AREG: variants seen among roughly 807,000 people sequenced by gnomAD.
AREG encodes amphiregulin B.
AREG carries 16 observed loss-of-function variants against 28.0 expected under a neutral mutation model. That is an observed-to-expected ratio of 0.57 (90% CI 0.39 to 0.87). The LOEUF is 0.87. Ranked by LOEUF, AREG falls within the 40% of genes least tolerant of loss-of-function variation. The pLI is 0.00. For synonymous variants in AREG, 113 were observed against 113.5 expected, an observed-to-expected ratio of 1.00 and a Z score of 0.02; for missense variants, 287 against 309.1, an observed-to-expected ratio of 0.93 and a Z score of 0.53.
Position 74,446,798 on chromosome 4 carries a change from A to G in AREG, c.310+16A>G. On this transcript the variant is annotated intron_variant, in intron 2 of 5. Coordinates refer to ENST00000395748, the MANE Select transcript of AREG (RefSeq NM_001657.4). ...TCAGTCAGAGGTGAGTAGGGGATAAAGCAAAAATATGGCCTGTGAGATGTG... is the reference window on the plus strand; with the variant it reads ...TCAGTCAGAGGTGAGTAGGGGATAAGGCAAAAATATGGCCTGTGAGATGTG... The G allele has an allele frequency of 6.2e-7, 1 of 1,613,962 alleles. No individual in the cohort carries two copies. The highest frequency in any genetic ancestry group is 8.5e-7 in the Non-Finnish European group (1 of 1,179,858).
Position 74,450,413 on chromosome 4 carries a change from G to T in AREG, c.546G>T (p.Gly182=), listed in dbSNP as rs1352770674. The change falls in exon 4 of 6, where the codon GGG becomes GGT. Residue 182 remains glycine, a synonymous_variant. Transcript: ENST00000395748. The stretch of plus-strand genomic sequence containing the variant: ...AAGAATATTTCGGTGAACGGTGTGG[G>T]GAAAAGTCCATGAAAACTCACAGCA... The part of the protein sequence containing the change: ...CQQEYFGERC[G]EKSMKTHSMI... 17 of 1,613,758 alleles carry T rather than the reference G, an allele frequency of 1.1e-5. No homozygotes were observed. The highest frequency in any genetic ancestry group is 1.4e-5 in the Non-Finnish European group (17 of 1,179,848).
chr4:74,448,673 G>C (rs1414502047), intron 2 of AREG: 1 of 194,028 alleles, frequency 5.2e-6, no homozygotes, highest in Non-Finnish European at 1.1e-5. Flanking sequence ...CTGGGCTCCT[G>C]TTTTCAAATA....
chr4:74,454,667 G>A (rs1383925217), intron 5 of AREG, 92 bp from the exon 6 acceptor site: 2 of 578,938 alleles, frequency 3.5e-6, no homozygotes, highest in African/African-American at 3.8e-5. Flanking sequence ...TCCTGATTAT[G>A]CTTTAAAGTT....
intron 3 of AREG, among the ~76,000 whole-genome samples, chr4:74,450,059 A>G (rs1719358134): frequency 6.6e-6 from 1 of 152,080 alleles, no homozygotes; most frequent in Admixed American, 6.6e-5. Flanking sequence ...CTTACCTCCC[A>G]CAAGCAGCTA....
chr4:74,445,200 G>A lies in AREG; in HGVS notation c.-146G>A, dbSNP rs1476559187. Reference sequence around the variant, plus strand: ...CGGGACAGCCCGAGGCGCCGCGCCCGCCGCCCCGAGCTCCCCAAGCCTTCG... The same window carrying A: ...CGGGACAGCCCGAGGCGCCGCGCCCACCGCCCCGAGCTCCCCAAGCCTTCG... On this transcript the variant is annotated 5_prime_UTR_variant, in exon 1 of 6. Coordinates refer to ENST00000395748, the MANE Select transcript of AREG (RefSeq NM_001657.4). 4.4e-5 allele frequency: 65 copies of A among 1,484,142 alleles called. No individual in the cohort carries two copies. Among genetic ancestry groups the A allele is most frequent in the African/African-American group, 5.6e-5 (4 of 70,928 alleles). The allele number at this position is 1,484,142 out of a possible 1,614,324, so 91.9% of individuals were successfully genotyped here.
Position 74,450,513 on chromosome 4 carries a change from G to A in AREG, c.646G>A (p.Val216Ile). ...TATGTCTGCTGTGATCCTCACAGCT[G>A]TTGCTGTTATTACAGTCCAGTAAGT... ...AFMSAVILTAVAVITVQLRRQ... is the reference protein window; with the variant it reads ...AFMSAVILTAIAVITVQLRRQ... The change falls in exon 4 of 6, where the codon GTT becomes ATT. Residue 216 changes from valine (V) to isoleucine (I), a missense_variant. Coordinates refer to ENST00000395748, the MANE Select transcript of AREG (RefSeq NM_001657.4). 1 of 1,613,918 alleles carries A rather than the reference G, an allele frequency of 6.2e-7. No individual in the cohort carries two copies. The highest frequency in any genetic ancestry group is 8.5e-7 in the Non-Finnish European group (1 of 1,179,850).
chr4:74,452,193 T>A (rs1459278387), intron 4 of AREG, among the ~76,000 whole-genome samples: 2 of 152,188 alleles, frequency 1.3e-5, no homozygotes, highest in African/African-American at 4.8e-5. Flanking sequence ...TGTGCAAGTA[T>A]AGAGTTCTCC....
At position 74,445,186 on chromosome 4, in the gene AREG, G is replaced by A. The variant is rs939040044; in HGVS notation, c.-160G>A. On this transcript the variant is annotated 5_prime_UTR_variant, in exon 1 of 6. Transcript: ENST00000395748. ...CGCCCCAGAGGTCCCGGGACAGCCC[G>A]AGGCGCCGCGCCCGCCGCCCCGAGC... The A allele has an allele frequency of 2.0e-6, 3 of 1,467,652 alleles. No homozygotes were observed. Among genetic ancestry groups the A allele is most frequent in the African/African-American group, 2.8e-5 (2 of 70,646 alleles). The allele number at this position is 1,467,652 out of a possible 1,614,324, so 90.9% of individuals were successfully genotyped here. A position where few individuals can be genotyped will look rare whatever the true frequency, so the allele number is the denominator to read the frequency against.
chr4:74,447,752 C>T (rs1249341365), intron 2 of AREG, among the ~76,000 whole-genome samples: 4 of 152,136 alleles, frequency 2.6e-5, no homozygotes, highest in African/African-American at 7.2e-5. Context: ...GAAGGGACAT[C>T]AAGTGGTACC....
rs1578842930 is a variant in AREG at position 74,445,381 on chromosome 4, G to A, written c.36G>A (p.Val12=). 6.2e-7 allele frequency: 1 copy of A among 1,610,760 alleles called. No homozygotes were observed. ...CGCTGCTACCGCCGGCGCCGGTGGTGCTGTCGCTCTTGATACTCGGCTCAG... is the reference window on the plus strand; with the variant it reads ...CGCTGCTACCGCCGGCGCCGGTGGTACTGTCGCTCTTGATACTCGGCTCAG... The part of the protein sequence containing the change: ...RAPLLPPAPV[V]LSLLILGSGH... The change falls in exon 1 of 6, where the codon GTG becomes GTA. Residue 12 remains valine, a synonymous_variant. Transcript: ENST00000395748.
intron 2 of AREG, 189 bp from the exon 3 acceptor site, chr4:74,448,851 TACTTTCA>T: frequency 1.4e-6 from 1 of 725,444 alleles, no homozygotes; most frequent in Non-Finnish European, 2.1e-6. Context: ...GAGTGGACAC[TACTTTCA>T]GGTAGAAAAA....
intron 1 of AREG, 131 bp from the exon 2 acceptor site, chr4:74,446,403 C>A: frequency 6.6e-7 from 1 of 1,511,182 alleles, no homozygotes; most frequent in Non-Finnish European, 9.1e-7. Flanking sequence ...AGAAATGACT[C>A]AATCACAAAC....
chr4:74,450,694 G>T (rs947273516), intron 4 of AREG, among the ~76,000 whole-genome samples, 162 bp downstream of exon 4: 4 of 152,122 alleles, frequency 2.6e-5, no homozygotes, highest in Admixed American at 2.6e-4. Context: ...CACAGAAAGT[G>T]GTCAATGTTT....
Position 74,446,552 on chromosome 4 carries a change from T to G in AREG, c.80T>G (p.Leu27Trp), listed in dbSNP as rs1719290968. The change falls in exon 2 of 6, where the codon TTG becomes TGG. Residue 27 changes from leucine to tryptophan, a missense_variant. Coordinates refer to ENST00000395748, the MANE Select transcript of AREG (RefSeq NM_001657.4). ...CCTGCAGGCCATTATGCTGCTGGAT[T>G]GGACCTCAATGACACCTACTCTGGG... ...ILGSGHYAAG[L>W]DLNDTYSGKR... The G allele has an allele frequency of 1.9e-6, 3 of 1,613,982 alleles. No homozygotes were observed. Among genetic ancestry groups the G allele is most frequent in the Non-Finnish European group, 1.7e-6 (2 of 1,179,862 alleles).
Position 74,446,724 on chromosome 4 carries a change from A to G in AREG, c.252A>G (p.Ser84=). Residue 84 remains serine (S), a synonymous_variant, in exon 2 of 6, where the codon TCA becomes TCG. Coordinates refer to ENST00000395748, the MANE Select transcript of AREG (RefSeq NM_001657.4). The stretch of plus-strand genomic sequence containing the variant: ...CCTCGGGAGCCGACTATGACTACTC[A>G]GAAGAGTATGATAACGAACCACAAA... ...EPSSGADYDY[S]EEYDNEPQIP... 1.2e-6 allele frequency: 2 copies of G among 1,613,994 alleles called. No homozygotes were observed.
chr4:74,447,688 C>G (rs1452042504), intron 2 of AREG, among the ~76,000 whole-genome samples: 1 of 152,138 alleles, frequency 6.6e-6, no homozygotes, highest in Non-Finnish European at 1.5e-5. Context: ...CCTTTTCTGT[C>G]CTGACTTGAG....
chr4:74,452,463 C>G, intron 4 of AREG, 81 bp from the exon 5 acceptor site: 1 of 1,529,654 alleles, frequency 6.5e-7, no homozygotes, highest in African/African-American at 1.4e-5. Flanking sequence ...TGAAGTGGAA[C>G]CCCCTCTACT....
chr4:74,447,614 A>T (rs922982373), intron 2 of AREG, among the ~76,000 whole-genome samples: 9 of 152,154 alleles, frequency 5.9e-5, no homozygotes, highest in African/African-American at 1.9e-4. Flanking sequence ...AGTAAATAAG[A>T]TCTAAATATC....
At position 74,446,700 on chromosome 4, in the gene AREG, C is replaced by T; in HGVS notation, c.228C>T (p.Ser76=). The change falls in exon 2 of 6, where the codon TCC becomes TCT. Residue 76 remains serine, a synonymous_variant. Transcript: ENST00000395748. ...AAATGCCTTCTAGTAGTGAACCGTC[C>T]TCGGGAGCCGACTATGACTACTCAG... ...VSEMPSSSEP[S]SGADYDYSEE... 6.2e-7 allele frequency: 1 copy of T among 1,613,928 alleles called. No homozygotes were observed. Among genetic ancestry groups the T allele is most frequent in the Non-Finnish European group, 8.5e-7 (1 of 1,179,860 alleles).
Sources: allele counts gnomAD v4.1 joint callset (sites outside exome capture counted in the v4.1 genomes callset), GRCh38; gene constraint gnomAD v4.1.1; transcripts MANE v1.5; gene names NCBI Gene and HGNC (gene_info 2026-07-23, HGNC 2026-07-21).